Variants in ARHGEF18 observed in about 807,000 individuals in gnomAD.
ARHGEF18 encodes Rho/Rac guanine nucleotide exchange factor 18.
Under a neutral mutation model 155.7 loss-of-function variants are expected in ARHGEF18, and 93 were observed. The observed-to-expected ratio is 0.60, with a 90% confidence interval of 0.50 to 0.71. ARHGEF18 has a LOEUF of 0.71. ARHGEF18 is among the 30% of genes least tolerant of loss of function. The pLI, the probability that ARHGEF18 is intolerant of heterozygous loss-of-function variation, is 0.00. For missense variants in ARHGEF18, 1,593 were observed against 1,816.1 expected (o/e 0.88, Z 2.23); for synonymous variants, 742 against 753.1 (o/e 0.99, Z 0.24).
chr19:7,447,114 T>C lies in ARHGEF18; in HGVS notation c.1683T>C (p.Val561=), dbSNP rs777719359. The C allele has an allele frequency of 2.5e-6, 4 of 1,613,824 alleles. No homozygotes were observed. The highest frequency in any genetic ancestry group is 1.7e-6 in the Non-Finnish European group (2 of 1,179,922). The change falls in exon 15 of 29, where the codon GTT becomes GTC. Residue 561 remains valine (V), a synonymous_variant. Coordinates refer to ENST00000668164, the MANE Select transcript of ARHGEF18 (RefSeq NM_001367823.1). ...TTTGTAGTGGCCACAATGAAGCTGTTAGTCATTACAAGTTGCTGCTTCAGC... is the reference window on the plus strand; with the variant it reads ...TTTGTAGTGGCCACAATGAAGCTGTCAGTCATTACAAGTTGCTGCTTCAGC... The part of the protein sequence containing the change: ...GVFCSGHNEA[V]SHYKLLLQQN...
At chr19:7,350,764 GT>G (rs1969135621) in intron 1 of ARHGEF18, among the ~76,000 whole-genome samples, 1,808 of 6,456 alleles carry the variant, frequency 0.28, 30 homozygotes, top group South Asian at 0.36. Flanking sequence ...GTTTTTTGGG[GT>G]GGGTGTGTGT....
intron 10 of ARHGEF18, among the ~76,000 whole-genome samples, chr19:7,422,464 T>C (rs1246225072): frequency 6.6e-6 from 1 of 151,178 alleles, no homozygotes; most frequent in Non-Finnish European, 1.5e-5. Context: ...CTGGAATGAC[T>C]TTCCCTCATC....
At chr19:7,393,742 A>G (rs1399998645) in intron 10 of ARHGEF18, among the ~76,000 whole-genome samples, 2 of 150,392 alleles carry the variant, frequency 1.3e-5, no homozygotes, top group African/African-American at 4.9e-5. Context: ...AGGGTATGGT[A>G]TGTGTTTCAG....
At chr19:7,372,741 T>A (rs1282359453) in intron 2 of ARHGEF18, 71 bp from the exon 3 acceptor site, 2 of 1,226,458 alleles carry the variant, frequency 1.6e-6, no homozygotes, top group East Asian at 6.3e-5. Flanking sequence ...GACCTTGTGG[T>A]CAAGAGACCC....
At chr19:7,477,320 A>C (rs1265925721), downstream of ARHGEF18, 1 of 1,560,320 alleles carries the variant, frequency 6.4e-7, no homozygotes, top group Non-Finnish European at 8.7e-7. Context: ...GGCCCACAGC[A>C]CGCCCCGGGG....
At chr19:7,464,433 G>A (rs1976487995) in intron 22 of ARHGEF18, 127 bp from the exon 23 acceptor site, 3 of 1,175,482 alleles carry the variant, frequency 2.6e-6, no homozygotes, top group Admixed American at 4.9e-5. Context: ...AGGCGTCTGT[G>A]CTGCAGACGC....
At chr19:7,361,400 T>C (rs1040951386) in intron 1 of ARHGEF18, among the ~76,000 whole-genome samples, 4 of 152,094 alleles carry the variant, frequency 2.6e-5, no homozygotes, top group Non-Finnish European at 5.9e-5. Context: ...ATGGCGCCAC[T>C]GCACTCCAGC....
chr19:7,474,754 AGTGT>A (rs3219570), downstream of ARHGEF18, among the ~76,000 whole-genome samples: 407 of 141,944 alleles, frequency 2.9e-3, no homozygotes, highest in East Asian at 0.038. Context: ...TGGGCATTGG[AGTGT>A]GTGTGTGTGT....
At chr19:7,450,890 G>T (rs78973878) in intron 15 of ARHGEF18, among the ~76,000 whole-genome samples, 9 of 792 alleles carry the variant, frequency 0.011, no homozygotes, top group African/African-American at 0.04. Flanking sequence ...TTAATGCGGG[G>T]TCTTGCTGTA....
At position 7,383,105 on chromosome 19, in the gene ARHGEF18, G is replaced by A. The variant is rs147885114; in HGVS notation, c.869G>A (p.Arg290Gln). The A allele has an allele frequency of 3.5e-3, 4,339 of 1,232,366 alleles. 170 individuals are homozygous for A. The Admixed American group carries it at 0.079, about 23-fold the overall frequency. 76.3% of individuals were successfully genotyped at this position (1,232,366 alleles called of 1,614,324 possible). Residue 290 changes from arginine (R) to glutamine (Q), a missense_variant, in exon 10 of 29, where the codon CGA (arginine) becomes CAA (glutamine). Transcript: ENST00000668164. The stretch of plus-strand genomic sequence containing the variant: ...CTGAAGGACAAGGGCCAGGATGCAC[G>A]AGAGAGGCGGGAGTGTGTCAATGGG... ...AHLKDKGQDA[R>Q]ERRECVNGHQ...
chr19:7,356,430 C>A (rs1969309053), intron 1 of ARHGEF18, among the ~76,000 whole-genome samples: 1 of 151,962 alleles, frequency 6.6e-6, no homozygotes, highest in Non-Finnish European at 1.5e-5. Context: ...CCCCCCACCA[C>A]ACCTGGCTAA....
intron 5 of ARHGEF18, among the ~76,000 whole-genome samples, chr19:7,377,851 G>A (rs1023911357): frequency 3.3e-5 from 5 of 151,548 alleles, no homozygotes; most frequent in East Asian, 1.9e-4. Flanking sequence ...TTGGGAGGCC[G>A]AGGCAGGTGG....
Position 7,381,691 on chromosome 19 carries a change from T to TAAATAATAAATAAATAAATA in ARHGEF18, c.722+699_722+700insATAATAAATAAATAAATAAA, listed in dbSNP as rs533011251. ...AAACTCCGTCTCAAAAATAAATAAA[T>TAAATAATAAATAAATAAATA]AATAAATAAATAAATAAATAAATAA... is the stretch of plus-strand genomic sequence containing the variant. On this transcript the variant is annotated intron_variant, in intron 8 of 28. Transcript: ENST00000668164. 5.2e-4 allele frequency among the ~76,000 whole-genome samples: 76 copies of TAAATAATAAATAAATAAATA among 146,160 alleles called. 1 individual carries two copies. The highest frequency in any genetic ancestry group is 1.9e-3 in the African/African-American group (72 of 38,784).
chr19:7,415,815 C>T (rs4804596), intron 10 of ARHGEF18, among the ~76,000 whole-genome samples: 83,849 of 151,868 alleles, frequency 0.55, 23,598 homozygotes, highest in Middle Eastern at 0.74. Flanking sequence ...CAGTGTTTAC[C>T]CTTTTGAAGA....
chr19:7,453,877 A>G (rs1432947435), intron 17 of ARHGEF18, among the ~76,000 whole-genome samples, 162 bp downstream of exon 17: 10 of 151,036 alleles, frequency 6.6e-5, no homozygotes, highest in Admixed American at 6.6e-4. Context: ...TACTCTCTTG[A>G]TTGGTGGCAC....
intron 10 of ARHGEF18, among the ~76,000 whole-genome samples, chr19:7,422,244 G>A (rs544024726): frequency 2.3e-4 from 35 of 152,148 alleles, no homozygotes; most frequent in African/African-American, 6.3e-4. Context: ...CTGGAAGAGT[G>A]TCGTAGGGCA....
Position 7,420,162 on chromosome 19 carries a change from C to T in ARHGEF18, c.968-20182C>T, listed in dbSNP as rs556828073. Among the ~76,000 whole-genome samples, 8 of 152,310 alleles carry T rather than the reference C, an allele frequency of 5.3e-5. No homozygotes were observed. In the East Asian group the frequency reaches 1.2e-3, roughly 22 times the overall value. On this transcript the variant is annotated intron_variant, in intron 10 of 28. Transcript: ENST00000668164. ...AGAGATTGGGTCTTGCTGTATTGTC[C>T]AGGCTGGTCTTGAACTCCTGGGCTC...
chr19:7,451,981 C>G (rs1975507560), intron 16 of ARHGEF18, among the ~76,000 whole-genome samples: 1 of 152,176 alleles, frequency 6.6e-6, no homozygotes, highest in Admixed American at 6.5e-5. Flanking sequence ...GTTGGCCTCC[C>G]AAAGTGCTGG....
chr19:7,461,696 C>T (rs1205814532), intron 20 of ARHGEF18, among the ~76,000 whole-genome samples: 3 of 152,164 alleles, frequency 2.0e-5, no homozygotes, highest in Non-Finnish European at 4.4e-5. Context: ...CTTTTAGAGA[C>T]AGGATCTTGC....
Sources: gnomAD v4.1 joint callset for allele counts (sites outside exome capture counted in the v4.1 genomes callset) on GRCh38, gnomAD v4.1.1 for gene constraint, MANE v1.5 for transcripts, NCBI Gene and HGNC (gene_info 2026-07-23, HGNC 2026-07-21) for gene names.